ZZEF1: variants seen among roughly 807,000 people sequenced by gnomAD.
ZZEF1 encodes the protein zinc finger ZZ-type and EF-hand domain-containing protein 1.
A neutral mutation model predicts 342.8 loss-of-function variants in ZZEF1; 157 were observed. The observed-to-expected ratio is 0.46, with a 90% CI of 0.40 to 0.52. The LOEUF is 0.52. Ranked by LOEUF, ZZEF1 falls within the 20% of genes least tolerant of loss-of-function variation. The probability of loss-of-function intolerance (pLI) is 0.00; values close to 1 mark genes in which losing one functional copy is unlikely to be tolerated. For missense variants in ZZEF1, 3,480 were observed against 3,725.6 expected (o/e 0.93, Z 1.72); for synonymous variants, 1,505 against 1,429.1 (o/e 1.05, Z -1.20).
chr17:4,117,153 T>G lies in ZZEF1; in HGVS notation c.513A>C (p.Ile171=). 2 of 1,612,444 alleles carry G rather than the reference T, an allele frequency of 1.2e-6. No individual in the cohort carries two copies. The highest frequency in any genetic ancestry group is 1.7e-6 in the Non-Finnish European group (2 of 1,178,916). ...CAAGGCCCTCCTTCGACTCTGAAAA[T>G]ATGTCTGTGAAACCTAAACAGATGA... is the stretch of plus-strand genomic sequence containing the variant. The part of the protein sequence containing the change: ...ACSLVPGFTD[I]FSESKEGLDI... Residue 171 remains isoleucine, a synonymous_variant, in exon 3 of 55, where the codon ATA becomes ATC. Transcript: ENST00000381638.
rs2012576 is a variant in ZZEF1, at chr17:4,101,862, T to G, written c.1672+455A>C. The stretch of plus-strand genomic sequence containing the variant: ...CCAGGCTTGTCTTGAACTCCTGGCC[T>G]CAAGTGATCCTCCCACCTCGGCCTC... On this transcript the variant is annotated intron_variant, in intron 9 of 54. Transcript: ENST00000381638. Among the ~76,000 whole-genome samples the G allele has an allele frequency of 8.4e-3, 1,284 of 152,182 alleles. 16 individuals carry two copies. The highest frequency in any genetic ancestry group is 0.03 in the African/African-American group (1,226 of 41,496).
intron 12 of ZZEF1, among the ~76,000 whole-genome samples, chr17:4,090,505 T>C (rs1163518484): frequency 6.6e-6 from 1 of 152,230 alleles, no homozygotes; most frequent in Non-Finnish European, 1.5e-5. Flanking sequence ...GAGTTACATA[T>C]TTTTCCCCTG....
chr17:4,123,267 C>CTATATATA (rs1567861636), intron 2 of ZZEF1, among the ~76,000 whole-genome samples: 1 of 41,522 alleles, frequency 2.4e-5, no homozygotes, highest in Non-Finnish European at 4.7e-5. Context: ...TTTATCATAA[C>CTATATATA]CATATATATA....
chr17:4,068,957 A>G (rs1441527946), intron 26 of ZZEF1, among the ~76,000 whole-genome samples: 1 of 152,244 alleles, frequency 6.6e-6, no homozygotes, highest in Non-Finnish European at 1.5e-5. Flanking sequence ...ATCTATATCA[A>G]TATCTATATC....
chr17:4,123,069 G>C (rs1451757252), intron 2 of ZZEF1, among the ~76,000 whole-genome samples: 1 of 151,150 alleles, frequency 6.6e-6, no homozygotes, highest in Non-Finnish European at 1.5e-5. Flanking sequence ...ACGGGCACCC[G>C]CCACCATGCC....
rs1395544556 is a variant in ZZEF1, at chr17:4,005,488, C to T, written c.*1402G>A. On this transcript the variant is annotated 3_prime_UTR_variant, in exon 55 of 55. Transcript: ENST00000381638. ...GTTCTACCAGAACTCTGGGGCTTAG[C>T]TGAGAACCCAATTGTAGGGCTGTGA... The T allele has an allele frequency of 6.6e-6, 1 of 152,328 alleles. No homozygotes were observed. Among genetic ancestry groups the T allele is most frequent in the Admixed American group, 6.5e-5 (1 of 15,284 alleles). 9.4% of individuals were successfully genotyped at this position (152,328 alleles called of 1,614,324 possible).
chr17:4,118,633 C>T (rs1381675563), intron 2 of ZZEF1, among the ~76,000 whole-genome samples: 1 of 152,158 alleles, frequency 6.6e-6, no homozygotes, highest in Non-Finnish European at 1.5e-5. Flanking sequence ...GATAAATGGG[C>T]CAGAGCAACA....
rs2057535485 is a variant in ZZEF1 at position 4,072,764 on chromosome 17, GAGA to G, written c.3686-11_3686-9del. On this transcript the variant is annotated splice_polypyrimidine_tract_variant and intron_variant, in intron 24 of 54. Coordinates refer to ENST00000381638, the MANE Select transcript of ZZEF1 (RefSeq NM_015113.4). ...CCATGTTACTTCCTAACTCTAGAAA[GAGA>G]AGAAGACATATGACAGTTCTATTTT... The G allele has an allele frequency of 1.9e-6, 3 of 1,607,218 alleles. No homozygotes were observed. Among genetic ancestry groups the G allele is most frequent in the Non-Finnish European group, 2.6e-6 (3 of 1,176,224 alleles).
chr17:4,022,872 A>G, intron 43 of ZZEF1, 44 bp from the exon 44 acceptor site: 2 of 1,607,192 alleles, frequency 1.2e-6, no homozygotes, highest in Non-Finnish European at 1.7e-6. Flanking sequence ...CTTGGAGTGA[A>G]GAAGGTACAA....
At chr17:4,024,668 T>A (rs997848020) in intron 43 of ZZEF1, among the ~76,000 whole-genome samples, 3 of 152,248 alleles carry the variant, frequency 2.0e-5, no homozygotes, top group African/African-American at 4.8e-5. Flanking sequence ...TCTTCTCGTC[T>A]GACAAAGTTG....
At chr17:4,067,764 T>C (rs1488540592) in intron 26 of ZZEF1, among the ~76,000 whole-genome samples, 1 of 152,172 alleles carries the variant, frequency 6.6e-6, no homozygotes, top group Non-Finnish European at 1.5e-5. Flanking sequence ...GATAGGGTCT[T>C]ACTCTATCAC....
Position 4,017,993 on chromosome 17 carries a change from T to C in ZZEF1, c.7506-22A>G. 1 of 1,611,712 alleles carries C rather than the reference T, an allele frequency of 6.2e-7. No homozygotes were observed. Among genetic ancestry groups the C allele is most frequent in the Non-Finnish European group, 8.5e-7 (1 of 1,179,928 alleles). On this transcript the variant is annotated intron_variant, in intron 46 of 54. Transcript: ENST00000381638. This position sits in a 1 kb window ranked among gnomAD's most constrained non-coding sequence, Gnocchi z 5.1. The stretch of plus-strand genomic sequence containing the variant: ...AAACCTGCAGAAGGGCAGCACAAAG[T>C]TGAGTACCAACAGTGTAGACAGGCC...
intron 29 of ZZEF1, among the ~76,000 whole-genome samples, chr17:4,063,567 C>CT (rs964247187): frequency 9.9e-5 from 15 of 151,842 alleles, no homozygotes; most frequent in East Asian, 1.9e-4. Flanking sequence ...GAAAAAATAT[C>CT]TTTTTTTTGT....
chr17:4,083,373 G>A (rs1259603934), intron 16 of ZZEF1, among the ~76,000 whole-genome samples: 4 of 152,224 alleles, frequency 2.6e-5, no homozygotes, highest in Non-Finnish European at 4.4e-5. Flanking sequence ...CCACAGTCCA[G>A]TGGCTCAGGT....
chr17:4,020,634 G>C (rs1388294081), intron 45 of ZZEF1, among the ~76,000 whole-genome samples: 1 of 152,184 alleles, frequency 6.6e-6, no homozygotes, highest in Non-Finnish European at 1.5e-5. Flanking sequence ...ACTGTGCCTG[G>C]CTGGGATTTG....
chr17:4,125,606 G>C (rs2058560992), intron 1 of ZZEF1, among the ~76,000 whole-genome samples: 1 of 152,152 alleles, frequency 6.6e-6, no homozygotes, highest in Non-Finnish European at 1.5e-5. Context: ...CACTAATCAA[G>C]GTATAACATT....
Position 4,102,322 on chromosome 17 carries a change from C to T in ZZEF1, c.1667G>A (p.Arg556Lys). ...PENLLVEPWTRDGFLTETGKT... is the reference protein window; with the variant it reads ...PENLLVEPWTKDGFLTETGKT... Reference sequence around the variant, plus strand: ...CAGACAGACCCACCACTCACCATCCCTTGTCCACGGTTCAACAAGGAGGTT... The same window carrying T: ...CAGACAGACCCACCACTCACCATCCTTTGTCCACGGTTCAACAAGGAGGTT... The change falls in exon 9 of 55, where the codon AGG (arginine) becomes AAG (lysine). Residue 556 changes from arginine to lysine, a missense_variant. Transcript: ENST00000381638. 6.2e-7 allele frequency: 1 copy of T among 1,613,654 alleles called. No individual in the cohort carries two copies. The highest frequency in any genetic ancestry group is 8.5e-7 in the Non-Finnish European group (1 of 1,179,632).
chr17:4,019,642 C>T, intron 46 of ZZEF1, 27 bp downstream of exon 46: 1 of 1,598,764 alleles, frequency 6.3e-7, no homozygotes, highest in Non-Finnish European at 8.6e-7. Flanking sequence ...CCTGGCCACA[C>T]TTCAGCTGCA....
At chr17:4,064,855 GAA>G (rs71383514) in intron 28 of ZZEF1, 26 bp from the exon 29 acceptor site, 71 of 1,037,926 alleles carry the variant, frequency 6.8e-5, no homozygotes, top group Middle Eastern at 2.8e-4. Flanking sequence ...AATCATAATT[GAA>G]AAAAAAAAAA....
Sources: allele counts gnomAD v4.1 joint callset (sites outside exome capture counted in the v4.1 genomes callset), GRCh38; gene constraint gnomAD v4.1.1; non-coding constraint Gnocchi (gnomAD v3.1); transcripts MANE v1.5; gene names NCBI Gene and HGNC (gene_info 2026-07-23, HGNC 2026-07-21).